ROR1: variants seen among roughly 807,000 people sequenced by gnomAD.
ROR1 encodes the protein ROR family WNT receptor 1.
In ROR1, 19 loss-of-function variants were observed where a neutral mutation model predicts 78.8. The observed-to-expected ratio is 0.24, with a 90% CI of 0.17 to 0.35. The LOEUF (loss-of-function observed/expected upper bound fraction) is 0.35, where lower values mean the gene tolerates loss of function less well. Among genes scored for constraint, ROR1 ranks in the 10% least tolerant of loss-of-function variants. The pLI, the probability that ROR1 is intolerant of heterozygous loss-of-function variation, is 1.00. For synonymous variants in ROR1, 386 were observed against 433.6 expected (o/e 0.89, Z 1.36); for missense variants, 917 against 1,177.8 (o/e 0.78, Z 3.24).
At chr1:64,145,986 C>T (rs1181791079) in intron 7 of ROR1, among the ~76,000 whole-genome samples, 1 of 152,176 alleles carries the variant, frequency 6.6e-6, no homozygotes, top group Non-Finnish European at 1.5e-5. Context: ...TGTGCTACTT[C>T]GGGTTATTGG....
intron 1 of ROR1, among the ~76,000 whole-genome samples, chr1:63,887,474 C>T (rs797020398): frequency 1.3e-5 from 2 of 152,090 alleles, no homozygotes; most frequent in South Asian, 4.1e-4. Context: ...ACTCATGAAA[C>T]TACCTAAAGC....
chr1:64,040,578 C>T (rs1646738368), intron 2 of ROR1, among the ~76,000 whole-genome samples: 1 of 152,248 alleles, frequency 6.6e-6, no homozygotes, highest in African/African-American at 2.4e-5. Context: ...TTATTTCTTA[C>T]AGTTCTGGAG....
intron 1 of ROR1, among the ~76,000 whole-genome samples, chr1:63,863,919 A>T (rs1016376371): frequency 3.3e-5 from 5 of 152,134 alleles, no homozygotes; most frequent in African/African-American, 1.2e-4. Flanking sequence ...AGCATTAACT[A>T]CTATTCTCGG....
intron 1 of ROR1, among the ~76,000 whole-genome samples, chr1:63,814,007 T>C (rs903442220): frequency 6.6e-6 from 1 of 152,226 alleles, no homozygotes; most frequent in African/African-American, 2.4e-5. Flanking sequence ...TCCTTTGTGT[T>C]TTACATCTGA....
intron 1 of ROR1, among the ~76,000 whole-genome samples, chr1:63,968,540 A>G (rs1569990733): frequency 6.6e-6 from 1 of 152,188 alleles, no homozygotes; most frequent in Admixed American, 6.5e-5. Flanking sequence ...CTCATCTGAA[A>G]TATAGACAAT....
In ROR1 at chr1:64,065,396, A is replaced by G. The variant is rs184265675; in HGVS notation, c.482+14680A>G. On this transcript the variant is annotated intron_variant, in intron 4 of 8. Transcript: ENST00000371079. ...CAAATTTAGTCACCTTAAGTGTTTG[A>G]TTGCTGAAAGGACTCACAACACTCA... 4.5e-3 allele frequency among the ~76,000 whole-genome samples: 680 copies of G among 152,280 alleles called. 3 individuals carry two copies. Among genetic ancestry groups the G allele is most frequent in the Non-Finnish European group, 5.5e-3 (371 of 68,020 alleles).
At position 64,177,545 on chromosome 1, in the gene ROR1, C is replaced by A; in HGVS notation, c.1504C>A (p.Leu502Met). The A allele has an allele frequency of 6.2e-7, 1 of 1,614,146 alleles. No individual in the cohort carries two copies. The highest frequency in any genetic ancestry group is 8.5e-7 in the Non-Finnish European group (1 of 1,179,992). The change falls in exon 9 of 9, where the codon CTG becomes ATG. Residue 502 changes from leucine to methionine, a missense_variant. Around this residue, in one of 3 missense-constraint regions of ROR1, gnomAD observed 835 missense variants for 1,069.8 expected, o/e 0.78. Coordinates refer to ENST00000371079, the MANE Select transcript of ROR1 (RefSeq NM_005012.4). ...LYLPGMDHAQ[L>M]VAIKTLKDYN... ...TCTCCCAGGCATGGACCATGCTCAG[C>A]TGGTTGCTATCAAGACCTTGAAAGA...
intron 1 of ROR1, among the ~76,000 whole-genome samples, chr1:63,804,020 A>G (rs1239064916): frequency 6.6e-6 from 1 of 152,190 alleles, no homozygotes; most frequent in African/African-American, 2.4e-5. Flanking sequence ...TTTTGAGATT[A>G]TGCTGAGTAA....
At chr1:63,810,152 A>C (rs1423449622) in intron 1 of ROR1, among the ~76,000 whole-genome samples, 1 of 152,192 alleles carries the variant, frequency 6.6e-6, no homozygotes, top group African/African-American at 2.4e-5. Flanking sequence ...AATTTAGTGC[A>C]TATGTTCATT....
chr1:63,828,481 C>G (rs1370961658), intron 1 of ROR1, among the ~76,000 whole-genome samples: 2 of 152,050 alleles, frequency 1.3e-5, no homozygotes, highest in African/African-American at 4.8e-5. Context: ...CTTGTTCATC[C>G]CTGGGAGGCC....
intron 4 of ROR1, among the ~76,000 whole-genome samples, chr1:64,124,733 G>A (rs1648654253): frequency 6.6e-6 from 1 of 152,162 alleles, no homozygotes; most frequent in African/African-American, 2.4e-5. Flanking sequence ...GCCAGGGGTG[G>A]GAAGGGGTTC....
At chr1:63,843,722 C>T (rs1196139035) in intron 1 of ROR1, 9 of 456,452 alleles carry the variant, frequency 2.0e-5, no homozygotes, top group Non-Finnish European at 3.9e-5. Context: ...CATGGAGAGC[C>T]GCAGAAGACA....
chr1:64,076,420 G>A (rs979669158), intron 4 of ROR1, among the ~76,000 whole-genome samples: 19 of 152,134 alleles, frequency 1.2e-4, no homozygotes, highest in Non-Finnish European at 4.4e-5. Context: ...AACAGCTTGA[G>A]GAAATCCTAA....
intron 1 of ROR1, among the ~76,000 whole-genome samples, chr1:63,780,572 G>C (rs1644644996): frequency 6.6e-6 from 1 of 152,122 alleles, no homozygotes; most frequent in Admixed American, 6.5e-5. Context: ...TGAAAATCTG[G>C]CTTCAAAACG....
intron 1 of ROR1, among the ~76,000 whole-genome samples, chr1:63,966,019 G>A (rs1194892394): frequency 2.0e-5 from 3 of 152,186 alleles, no homozygotes; most frequent in Non-Finnish European, 4.4e-5. Flanking sequence ...CCCCTTGTAG[G>A]ATTGTTATGA....
chr1:64,018,467 C>CTTCTCCCACTGATGATCACACCTTGT (rs1646539022), intron 2 of ROR1, among the ~76,000 whole-genome samples: 1 of 152,206 alleles, frequency 6.6e-6, no homozygotes, highest in Non-Finnish European at 1.5e-5. Flanking sequence ...CTGACTCCAC[C>CTTCTCCCACTGATGATCACACCTTGT]TTCTCCCACT....
At chr1:64,082,332 G>C (rs1647109925) in intron 4 of ROR1, among the ~76,000 whole-genome samples, 1 of 152,116 alleles carries the variant, frequency 6.6e-6, no homozygotes, top group Non-Finnish European at 1.5e-5. Flanking sequence ...AATAAATTAA[G>C]GGTTGTAAAT....
intron 1 of ROR1, among the ~76,000 whole-genome samples, chr1:64,002,346 A>T (rs1389872553): frequency 6.6e-6 from 1 of 151,978 alleles, no homozygotes; most frequent in Non-Finnish European, 1.5e-5. Context: ...GTTGGCCAGG[A>T]TGATCTCGAT....
intron 7 of ROR1, among the ~76,000 whole-genome samples, chr1:64,154,821 A>G (rs915408583): frequency 4.6e-5 from 7 of 152,228 alleles, no homozygotes; most frequent in African/African-American, 1.7e-4. Context: ...AGTATTAAAA[A>G]TCTTCAACAT....
Sources: gnomAD v4.1 joint callset for allele counts (sites outside exome capture counted in the v4.1 genomes callset) on GRCh38, gnomAD v4.1.1 for gene constraint, gnomAD v4.1.1 regional missense constraint, MANE v1.5 for transcripts, NCBI Gene and HGNC (gene_info 2026-07-23, HGNC 2026-07-21) for gene names.